The following WRN variants were observed in gnomAD, a reference collection of about 807,000 sequenced individuals.
WRN encodes the protein WRN RecQ like helicase.
In WRN, 149 loss-of-function variants were observed where a neutral mutation model predicts 180.7. The observed-to-expected ratio is 0.82, with a 90% CI of 0.72 to 0.94. WRN has a LOEUF of 0.94. WRN is among the 40% of genes least tolerant of loss of function. The pLI, the probability that WRN is intolerant of heterozygous loss-of-function variation, is 0.00. For synonymous variants in WRN, 548 were observed against 568.9 expected (o/e 0.96, Z 0.52); for missense variants, 1,661 against 1,700.1 (o/e 0.98, Z 0.40).
chr8:31,082,820 G>A (rs2130129037), intron 9 of WRN, among the ~76,000 whole-genome samples: 1 of 152,060 alleles, frequency 6.6e-6, no homozygotes, highest in African/African-American at 2.4e-5. Flanking sequence ...CACTGCACCT[G>A]GCCTTGGATT....
intron 17 of WRN, among the ~76,000 whole-genome samples, chr8:31,097,419 GC>G (rs1814035006): frequency 2.6e-5 from 4 of 152,146 alleles, no homozygotes; most frequent in Non-Finnish European, 5.9e-5. Context: ...CTGATATATA[GC>G]CCGGGTTGGA....
At chr8:31,061,445 A>G (rs1340118478) in intron 3 of WRN, among the ~76,000 whole-genome samples, 6 of 150,386 alleles carry the variant, frequency 4.0e-5, no homozygotes, top group Admixed American at 6.6e-5. Context: ...TAATTCCATT[A>G]TTCTAGGGTT....
chr8:31,075,713 C>A (rs1000555074), intron 7 of WRN, among the ~76,000 whole-genome samples: 1 of 144,750 alleles, frequency 6.9e-6, no homozygotes, highest in East Asian at 2.0e-4. Flanking sequence ...GAGTGAGACT[C>A]TGTCTCAAAA....
chr8:31,142,694 A>C lies in WRN; in HGVS notation c.3302A>C (p.Glu1101Ala), dbSNP rs781035646. The C allele has an allele frequency of 1.9e-6, 3 of 1,602,566 alleles. No homozygotes were observed. The East Asian group carries it at 6.7e-5, about 36-fold the overall frequency. Residue 1101 changes from glutamate to alanine, a missense_variant, in exon 27 of 35, where the codon GAG (glutamate) becomes GCG (alanine). Around this residue, in one of 3 missense-constraint regions of WRN, gnomAD observed 1,141 missense variants for 1,149.4 expected, o/e 0.99. Coordinates refer to ENST00000298139, the MANE Select transcript of WRN (RefSeq NM_000553.6). The part of the protein sequence containing the change: ...YNQVPVELST[E>A]KKSNLEKLYS... The stretch of plus-strand genomic sequence containing the variant: ...CAAGTACCAGTTGAATTAAGTACAG[A>C]GAAGAAGGTTTGTTTTAAAGAAATT...
intron 18 of WRN, among the ~76,000 whole-genome samples, chr8:31,108,477 T>C (rs2130267023): frequency 6.6e-6 from 1 of 151,732 alleles, no homozygotes; most frequent in South Asian, 2.1e-4. Context: ...ATTTATTTTT[T>C]TTTCCAGTTT....
chr8:31,036,508 C>A (rs554221616), intron 1 of WRN, among the ~76,000 whole-genome samples: 1 of 152,186 alleles, frequency 6.6e-6, no homozygotes, highest in Non-Finnish European at 1.5e-5. Context: ...CACATCCTCG[C>A]CAACACTTAT....
At chr8:31,062,903 T>C (rs1384409600) in intron 3 of WRN, among the ~76,000 whole-genome samples, 1 of 152,158 alleles carries the variant, frequency 6.6e-6, no homozygotes, top group Non-Finnish European at 1.5e-5. Context: ...GAGATCATAC[T>C]CAATGCAGCC....
chr8:31,063,881 G>A (rs1812590331), intron 3 of WRN, among the ~76,000 whole-genome samples: 2 of 151,960 alleles, frequency 1.3e-5, no homozygotes. Context: ...GTGCCACCAA[G>A]CCCAGCTAAT....
intron 8 of WRN, among the ~76,000 whole-genome samples, chr8:31,077,386 G>A (rs1275078057): frequency 4.0e-5 from 6 of 149,658 alleles, no homozygotes; most frequent in East Asian, 2.0e-4. Context: ...GACTACCGGC[G>A]CCCGCCACCC....
At chr8:31,146,330 A>G (rs1343154701) in intron 28 of WRN, among the ~76,000 whole-genome samples, 1 of 150,760 alleles carries the variant, frequency 6.6e-6, no homozygotes, top group Non-Finnish European at 1.5e-5. Context: ...TTATATTATT[A>G]AAACTACACA....
At chr8:31,069,553 C>T (rs74613805) in intron 7 of WRN, among the ~76,000 whole-genome samples, 1,555 of 152,180 alleles carry the variant, frequency 0.01, 28 homozygotes, top group African/African-American at 0.036. Flanking sequence ...TGAAGTGATG[C>T]GTAGGCATTT....
chr8:31,173,135 C>T lies in WRN; in HGVS notation c.*33C>T, dbSNP rs1327592165. The T allele has an allele frequency of 6.3e-7, 1 of 1,577,826 alleles. No homozygotes were observed. The highest frequency in any genetic ancestry group is 1.1e-5 in the South Asian group (1 of 90,130). ...ATTACCAGAACAATTATGTTTCTTG[C>T]TGTATTATAAGAGGATAGCTATATT... On this transcript the variant is annotated 3_prime_UTR_variant, in exon 35 of 35. Transcript: ENST00000298139.
chr8:31,151,014 G>A (rs959587287), intron 31 of WRN, among the ~76,000 whole-genome samples: 1 of 152,092 alleles, frequency 6.6e-6, no homozygotes, highest in Non-Finnish European at 1.5e-5. Flanking sequence ...ACTCCACGTA[G>A]CAGACTCTAT....
chr8:31,152,573 A>T (rs1377956285), intron 31 of WRN, among the ~76,000 whole-genome samples: 1 of 152,110 alleles, frequency 6.6e-6, no homozygotes, highest in Non-Finnish European at 1.5e-5. Context: ...GTGGTCAATT[A>T]TAGGAAGATA....
intron 23 of WRN, among the ~76,000 whole-genome samples, 186 bp from the exon 24 acceptor site, chr8:31,132,179 C>T (rs1802205495): frequency 6.6e-6 from 1 of 151,944 alleles, no homozygotes; most frequent in Admixed American, 6.6e-5. Flanking sequence ...TGTTACGCTA[C>T]AATAGTTTAT....
Position 31,081,304 on chromosome 8 carries a change from A to G in WRN, c.1269+8A>G. On this transcript the variant is annotated splice_region_variant and intron_variant, in intron 9 of 34. Transcript: ENST00000298139. ...GCTTATAAATCTACTGAGGTACTAA[A>G]TAAAGAGGAAGCACATTTTTAGTTA... The G allele has an allele frequency of 2.5e-6, 4 of 1,613,000 alleles. No individual in the cohort carries two copies. The South Asian group carries it at 4.4e-5, about 18-fold the overall frequency.
chr8:31,122,588 C>T (rs117181190), intron 21 of WRN, among the ~76,000 whole-genome samples: 1,621 of 152,038 alleles, frequency 0.011, 17 homozygotes, highest in Non-Finnish European at 0.017. Context: ...AGAGTAATCT[C>T]GGTCCGGTAG....
chr8:31,104,907 G>C (rs74502237), intron 18 of WRN, among the ~76,000 whole-genome samples: 3,680 of 152,204 alleles, frequency 0.024, 132 homozygotes, highest in African/African-American at 0.085. Flanking sequence ...GCGAGGCAAT[G>C]GTGCCTTCTG....
At position 31,174,795 on chromosome 8, in the gene WRN, C is replaced by CTTCCTTCCTTCCTTCCTTCCTT. The variant is rs1554540157; in HGVS notation, c.*1693_*1694insTTCCTTCCTTCCTTCCTTCCTT. Among the ~76,000 whole-genome samples, 1 of 74,554 alleles carries CTTCCTTCCTTCCTTCCTTCCTT rather than the reference C, an allele frequency of 1.3e-5. No homozygotes were observed. The highest frequency in any genetic ancestry group is 4.3e-5 in the African/African-American group (1 of 23,016). 48.9% of individuals were successfully genotyped at this position (74,554 alleles called of 152,430 possible). A position where few individuals can be genotyped will look rare whatever the true frequency, so the allele number is the denominator to read the frequency against. ...CTCTTTCCTTCCTTCCCTTCCCTTC[C>CTTCCTTCCTTCCTTCCTTCCTT]CCTTCCTTCCTTCCTTCCTTCCTTC... On this transcript the variant is annotated 3_prime_UTR_variant, in exon 35 of 35. Coordinates refer to ENST00000298139, the MANE Select transcript of WRN (RefSeq NM_000553.6).
Sources: allele counts gnomAD v4.1 joint callset (sites outside exome capture counted in the v4.1 genomes callset), GRCh38; gene constraint gnomAD v4.1.1; regional missense constraint gnomAD v4.1.1; transcripts MANE v1.5; gene names NCBI Gene and HGNC (gene_info 2026-07-23, HGNC 2026-07-21).